Variants in EPS15 observed in about 807,000 individuals in gnomAD.
EPS15 encodes the protein epidermal growth factor receptor pathway substrate 15, also known as epidermal growth factor receptor substrate 15.
Under a neutral mutation model 113.8 loss-of-function variants are expected in EPS15, and 72 were observed. The observed-to-expected ratio is 0.63, with a 90% CI of 0.52 to 0.77. EPS15 has a LOEUF of 0.77. Among genes scored for constraint, EPS15 ranks in the 30% least tolerant of loss-of-function variants. The probability of loss-of-function intolerance (pLI) is 0.00; values close to 1 mark genes in which losing one functional copy is unlikely to be tolerated. For synonymous variants in EPS15, 344 were observed against 363.4 expected, an observed-to-expected ratio of 0.95 and a Z score of 0.61; for missense variants, 1,048 against 1,045.8, an observed-to-expected ratio of 1.00 and a Z score of -0.03.
intron 1 of EPS15, among the ~76,000 whole-genome samples, chr1:51,506,770 G>A (rs574067702): frequency 2.0e-5 from 3 of 147,218 alleles, no homozygotes; most frequent in South Asian, 4.3e-4. Context: ...ACAAGGCGCC[G>A]CATAAAAGTG....
chr1:51,508,334 A>G lies in EPS15; in HGVS notation c.33+10865T>C, dbSNP rs57876513. 3.1e-3 allele frequency among the ~76,000 whole-genome samples: 350 copies of G among 114,166 alleles called. 1 individual carries two copies. Among genetic ancestry groups the G allele is most frequent in the African/African-American group, 0.011 (295 of 27,840 alleles). 74.9% of individuals were successfully genotyped at this position (114,166 alleles called of 152,430 possible). On this transcript the variant is annotated intron_variant, in intron 1 of 24. Coordinates refer to ENST00000371733, the MANE Select transcript of EPS15 (RefSeq NM_001981.3). ...AGAAAGAGAGAAAGAGAGAAAGAGA[A>G]AGAGAGAAAGAAAGAAAGAAAGAAA... is the stretch of plus-strand genomic sequence containing the variant.
intron 13 of EPS15, among the ~76,000 whole-genome samples, chr1:51,421,206 CAATTT>C (rs1650720010): frequency 6.6e-6 from 1 of 152,078 alleles, no homozygotes; most frequent in African/African-American, 2.4e-5. Flanking sequence ...TAAAATGAAA[CAATTT>C]AACACAACAC....
chr1:51,421,937 G>A, intron 12 of EPS15, 79 bp from the exon 13 acceptor site: 1 of 1,577,364 alleles, frequency 6.3e-7, no homozygotes, highest in Non-Finnish European at 8.6e-7. Context: ...TCCTAATCCT[G>A]AATCGCTTTT....
chr1:51,514,930 G>A (rs919643127), intron 1 of EPS15, among the ~76,000 whole-genome samples: 12 of 152,146 alleles, frequency 7.9e-5, no homozygotes, highest in Admixed American at 4.6e-4. Context: ...TATCTGTCAT[G>A]TTGAGAACAA....
At chr1:51,517,035 T>A (rs1406006294) in intron 1 of EPS15, among the ~76,000 whole-genome samples, 2 of 152,148 alleles carry the variant, frequency 1.3e-5, no homozygotes, top group East Asian at 3.8e-4. Context: ...TGCATTGTTA[T>A]CTTAGTGTAT....
In EPS15 at chr1:51,355,370, ATT is replaced by A. The variant is rs773376882; in HGVS notation, c.*1328_*1329del. 4 of 208,182 alleles carry A rather than the reference ATT, an allele frequency of 1.9e-5. No individual in the cohort carries two copies. Among genetic ancestry groups the A allele is most frequent in the Non-Finnish European group, 3.9e-5 (4 of 102,260 alleles). The allele number at this position is 208,182 out of a possible 1,614,324, so 12.9% of individuals were successfully genotyped here. The stretch of plus-strand genomic sequence containing the variant: ...TAGGTGCATTTTTCTTTATCTTGGT[ATT>A]TAATACATCATCTAAGTCAGTAACC... On this transcript the variant is annotated 3_prime_UTR_variant, in exon 25 of 25. Transcript: ENST00000371733.
chr1:51,435,954 T>C (rs150882434), intron 12 of EPS15, among the ~76,000 whole-genome samples: 25 of 152,226 alleles, frequency 1.6e-4, no homozygotes, highest in Middle Eastern at 3.4e-3. Context: ...AGGCGAACAG[T>C]AGGATCAGAG....
chr1:51,461,332 A>G (rs1355635174), intron 7 of EPS15, among the ~76,000 whole-genome samples, 182 bp from the exon 8 acceptor site: 1 of 151,958 alleles, frequency 6.6e-6, no homozygotes, highest in Non-Finnish European at 1.5e-5. Flanking sequence ...CCTAGGAAAC[A>G]TAACGAGATC....
intron 21 of EPS15, among the ~76,000 whole-genome samples, chr1:51,384,263 A>C (rs1647005821): frequency 6.6e-6 from 1 of 151,656 alleles, no homozygotes; most frequent in Non-Finnish European, 1.5e-5. Context: ...AAGGAACCTG[A>C]ATAGCCAAAG....
intron 21 of EPS15, among the ~76,000 whole-genome samples, chr1:51,389,164 A>G (rs1024456154): frequency 3.9e-5 from 6 of 152,244 alleles, no homozygotes; most frequent in African/African-American, 1.4e-4. Context: ...CTGGTTCAAT[A>G]TATGCCAATC....
In EPS15 at chr1:51,461,093, C is replaced by T; in HGVS notation, c.559G>A (p.Val187Ile). 6.3e-7 allele frequency: 1 copy of T among 1,588,458 alleles called. No individual in the cohort carries two copies. The highest frequency in any genetic ancestry group is 1.1e-5 in the South Asian group (1 of 90,544). The change falls in exon 8 of 25, where the codon GTT (valine) becomes ATT (isoleucine). Residue 187 changes from valine to isoleucine, a missense_variant and splice_region_variant. Coordinates refer to ENST00000371733, the MANE Select transcript of EPS15 (RefSeq NM_001981.3). ...GTTAAGAACATTAGATTACTTACAA[C>T]TGCAAACTCATCTCTGTCAAGCATT... Reference protein sequence around the residue: ...DGMLDRDEFAVAMFLVYCALE... With the variant: ...DGMLDRDEFAIAMFLVYCALE...
intron 11 of EPS15, among the ~76,000 whole-genome samples, chr1:51,444,137 G>A (rs1025889838): frequency 3.3e-5 from 5 of 152,062 alleles, no homozygotes; most frequent in African/African-American, 1.2e-4. Flanking sequence ...TAGGCCATAA[G>A]AGATTTAAAA....
intron 1 of EPS15, among the ~76,000 whole-genome samples, chr1:51,491,254 C>T (rs541313726): frequency 6.6e-6 from 1 of 152,258 alleles, no homozygotes; most frequent in South Asian, 2.1e-4. Context: ...AATTCAACTA[C>T]TTAGAATTCC....
chr1:51,507,472 C>A (rs1644517455), intron 1 of EPS15, among the ~76,000 whole-genome samples: 1 of 151,778 alleles, frequency 6.6e-6, no homozygotes, highest in African/African-American at 2.4e-5. Flanking sequence ...ACTAGCCTGG[C>A]CAACATGGTG....
chr1:51,422,011 A>G, intron 12 of EPS15, 153 bp from the exon 13 acceptor site: 1 of 1,311,970 alleles, frequency 7.6e-7, no homozygotes, highest in Non-Finnish European at 9.8e-7. Flanking sequence ...TCTTTCAATT[A>G]TTTATGAAAT....
At chr1:51,511,165 T>A (rs1196932216) in intron 1 of EPS15, among the ~76,000 whole-genome samples, 1 of 140,928 alleles carries the variant, frequency 7.1e-6, no homozygotes, top group Non-Finnish European at 1.5e-5. Flanking sequence ...GACCTCCGCC[T>A]CAAAAAATAA....
At chr1:51,377,559 G>T (rs1398584531) in intron 21 of EPS15, among the ~76,000 whole-genome samples, 2 of 152,196 alleles carry the variant, frequency 1.3e-5, no homozygotes, top group African/African-American at 4.8e-5. Context: ...TGGTGAAGAT[G>T]CTGTGAACAT....
chr1:51,422,686 GC>G (rs1210826034), intron 12 of EPS15, among the ~76,000 whole-genome samples: 1 of 152,222 alleles, frequency 6.6e-6, no homozygotes, highest in African/African-American at 2.4e-5. Flanking sequence ...CAATTTAACT[GC>G]CCATTTGTAG....
chr1:51,508,332 GAAAGAGAGAAAGAAAGAA>G (rs1557537108), intron 1 of EPS15, among the ~76,000 whole-genome samples: 16 of 125,492 alleles, frequency 1.3e-4, no homozygotes, highest in African/African-American at 4.6e-4. Flanking sequence ...GAGAGAAAGA[GAAAGAGAGAAAGAAAGAA>G]AGAAAGAAAG....
Sources: gnomAD v4.1 joint callset for allele counts (sites outside exome capture counted in the v4.1 genomes callset) on GRCh38, gnomAD v4.1.1 for gene constraint, MANE v1.5 for transcripts, NCBI Gene and HGNC (gene_info 2026-07-23, HGNC 2026-07-21) for gene names.